Variants in TCTN1 observed in about 807,000 individuals in gnomAD.
TCTN1 encodes the protein tectonic family member 1.
A neutral mutation model predicts 65.8 loss-of-function variants in TCTN1; 58 were observed. The ratio of observed to expected loss-of-function variants is 0.88; its 90% CI spans 0.71 to 1.10. The LOEUF is 1.10. Among genes scored for constraint, TCTN1 ranks in the 50% least tolerant of loss-of-function variants. The probability of loss-of-function intolerance (pLI) is 0.00; values close to 1 mark genes in which losing one functional copy is unlikely to be tolerated. For missense variants in TCTN1, 645 were observed against 719.4 expected, an observed-to-expected ratio of 0.90 and a Z score of 1.18; for synonymous variants, 273 against 289.1, an observed-to-expected ratio of 0.94 and a Z score of 0.57.
chr12:110,620,728 G>A (rs2065363961), intron 2 of TCTN1, among the ~76,000 whole-genome samples: 1 of 151,532 alleles, frequency 6.6e-6, no homozygotes. Flanking sequence ...ATAGAACAAT[G>A]AAAAATGACA....
intron 2 of TCTN1, among the ~76,000 whole-genome samples, chr12:110,620,943 G>C (rs2065384406): frequency 6.6e-6 from 1 of 152,028 alleles, no homozygotes; most frequent in Middle Eastern, 3.4e-3. Flanking sequence ...CTCCTGAGTA[G>C]CTGGGACTAC....
intron 2 of TCTN1, among the ~76,000 whole-genome samples, chr12:110,623,554 A>G (rs1265939462): frequency 1.3e-5 from 2 of 152,170 alleles, no homozygotes; most frequent in Non-Finnish European, 2.9e-5. Context: ...AACATATCCT[A>G]AGGAAACAAC....
chr12:110,621,882 A>G (rs2065456610), intron 2 of TCTN1, among the ~76,000 whole-genome samples: 2 of 151,766 alleles, frequency 1.3e-5, no homozygotes, highest in Non-Finnish European at 2.9e-5. Context: ...TCACGCCTGT[A>G]ATCCCAGCAC....
In TCTN1 at chr12:110,628,759, A is replaced by C. The variant is rs1405952790; in HGVS notation, c.473-8A>C. ...CCGATTTAAAATACTGTTTTTTTTAAAAAACAGATAAACCTGCATTATCCT... is the reference window on the plus strand; with the variant it reads ...CCGATTTAAAATACTGTTTTTTTTACAAAACAGATAAACCTGCATTATCCT... On this transcript the variant is annotated splice_polypyrimidine_tract_variant and splice_region_variant and intron_variant, in intron 3 of 14. Coordinates refer to ENST00000397659, the MANE Select transcript of TCTN1 (RefSeq NM_001082538.3). 6.3e-7 allele frequency: 1 copy of C among 1,580,946 alleles called. No individual in the cohort carries two copies. The highest frequency in any genetic ancestry group is 1.3e-5 in the African/African-American group (1 of 74,336).
intron 3 of TCTN1, chr12:110,627,953 A>G: frequency 1.6e-6 from 2 of 1,270,486 alleles, no homozygotes; most frequent in Non-Finnish European, 1.1e-6. Context: ...GTGATTTGTA[A>G]TCTGAAGTGA....
At chr12:110,632,333 G>A (rs1233885698) in intron 4 of TCTN1, 139 bp from the exon 5 acceptor site, 1 of 814,682 alleles carries the variant, frequency 1.2e-6, no homozygotes, top group East Asian at 2.6e-5. Flanking sequence ...GCTTCTTGAG[G>A]GCAAGGACCA....
At chr12:110,631,167 T>C (rs1370424549) in intron 4 of TCTN1, among the ~76,000 whole-genome samples, 1 of 152,090 alleles carries the variant, frequency 6.6e-6, no homozygotes, top group Non-Finnish European at 1.5e-5. Context: ...GGTTTCACCA[T>C]GTTGGCCAGG....
At chr12:110,645,831 T>C (rs2067260342) in intron 12 of TCTN1, 2 of 153,830 alleles carry the variant, frequency 1.3e-5, no homozygotes, top group Admixed American at 6.4e-5. Context: ...CACGCTTTCT[T>C]CAGACCTCTC....
At chr12:110,646,100 A>G (rs1002522286) in intron 12 of TCTN1, 14 of 152,356 alleles carry the variant, frequency 9.2e-5, no homozygotes, top group Non-Finnish European at 1.3e-4. Flanking sequence ...CAGTGCGCAC[A>G]TGGCACCGTC....
At chr12:110,615,075 T>C (rs1404682006) in intron 1 of TCTN1, among the ~76,000 whole-genome samples, 3 of 152,082 alleles carry the variant, frequency 2.0e-5, no homozygotes, top group Non-Finnish European at 2.9e-5. Flanking sequence ...GTGGATTGCT[T>C]GAGGTAGGAG....
In TCTN1 at chr12:110,614,152, T is replaced by A. The variant is rs768249685; in HGVS notation, c.-31T>A. On this transcript the variant is annotated 5_prime_UTR_variant, in exon 1 of 15. An upstream start codon of the reference 5' UTR is lost. Transcript: ENST00000397659. ...CGGTTGCCGGGCAACGCGCTGTCCA[T>A]GTCGCGGGCCTCGCTGGGACTCCCT... 22 of 1,546,118 alleles carry A rather than the reference T, an allele frequency of 1.4e-5. No homozygotes were observed. The highest frequency in any genetic ancestry group is 2.4e-5 in the East Asian group (1 of 41,318).
chr12:110,637,852 G>A (rs1477469251), intron 7 of TCTN1, among the ~76,000 whole-genome samples: 2 of 152,106 alleles, frequency 1.3e-5, no homozygotes, highest in East Asian at 1.9e-4. Flanking sequence ...CTAACGCAGC[G>A]TCCAGTAGGT....
At chr12:110,636,756 C>T (rs2066600245) in intron 7 of TCTN1, among the ~76,000 whole-genome samples, 2 of 152,150 alleles carry the variant, frequency 1.3e-5, no homozygotes, top group African/African-American at 2.4e-5. Flanking sequence ...CTGTCGTGAC[C>T]AGCAGTGGGT....
chr12:110,615,863 T>C (rs1474972724), intron 1 of TCTN1, among the ~76,000 whole-genome samples: 1 of 152,244 alleles, frequency 6.6e-6, no homozygotes, highest in Non-Finnish European at 1.5e-5. Context: ...GCTGAGATCT[T>C]GAACTCTAGG....
intron 5 of TCTN1, among the ~76,000 whole-genome samples, chr12:110,633,669 A>G (rs1233787764): frequency 6.6e-6 from 1 of 151,778 alleles, no homozygotes; most frequent in Non-Finnish European, 1.5e-5. Flanking sequence ...AAAACCAAAA[A>G]CAACTCCCCC....
intron 1 of TCTN1, chr12:110,616,905 G>A (rs925567193): frequency 6.6e-6 from 1 of 152,226 alleles, no homozygotes; most frequent in South Asian, 2.1e-4. Flanking sequence ...TACAAGCCAG[G>A]TGTGCAGATG....
intron 2 of TCTN1, among the ~76,000 whole-genome samples, chr12:110,621,278 C>G (rs1167149530): frequency 6.6e-6 from 1 of 152,110 alleles, no homozygotes; most frequent in Non-Finnish European, 1.5e-5. Context: ...CTGTGAGAAA[C>G]TATTTTATTG....
intron 4 of TCTN1, among the ~76,000 whole-genome samples, chr12:110,631,966 C>T (rs530666721): frequency 4.6e-5 from 7 of 152,174 alleles, no homozygotes; most frequent in East Asian, 1.9e-4. Flanking sequence ...CTTTCAAGTT[C>T]GAGAAAATTG....
chr12:110,641,587 G>T lies in TCTN1; in HGVS notation c.1150G>T (p.Val384Leu). The T allele has an allele frequency of 6.2e-7, 1 of 1,614,222 alleles. No homozygotes were observed. Among genetic ancestry groups the T allele is most frequent in the Non-Finnish European group, 8.5e-7 (1 of 1,180,030 alleles). The change falls in exon 10 of 15, where the codon GTG (valine) becomes TTG (leucine). Residue 384 changes from valine to leucine, a missense_variant. By Grantham distance (32) the Val-to-Leu change is conservative (BLOSUM62 1). Transcript: ENST00000397659. ...VPLSGNPGYV[V>L]GLPLAAGFQP... ...TCTCAGTGGAAACCCTGGTTATGTC[G>T]TGGGGCTCCCATTAGCTGCTGGATT...
Sources: allele counts gnomAD v4.1 joint callset (sites outside exome capture counted in the v4.1 genomes callset), GRCh38; gene constraint gnomAD v4.1.1; transcripts MANE v1.5; gene names NCBI Gene and HGNC (gene_info 2026-07-23, HGNC 2026-07-21).